Variants in C3orf22 observed in about 807,000 individuals in gnomAD.
The protein encoded by C3orf22 is uncharacterized protein C3orf22.
Under a neutral mutation model 10.8 loss-of-function variants are expected in C3orf22, and 7 were observed. That is an observed-to-expected ratio of 0.65 (90% CI 0.37 to 1.22). The LOEUF is 1.22. Among genes scored for constraint, C3orf22 ranks in the 50% most tolerant of loss-of-function variants. The pLI, the probability that C3orf22 is intolerant of heterozygous loss-of-function variation, is 0.02. For missense variants in C3orf22, 173 were observed against 177.0 expected (o/e 0.98, Z 0.13); for synonymous variants, 79 against 78.9 (o/e 1.00, Z 0.00).
downstream of C3orf22, chr3:126,549,538 T>A (rs1384587692): frequency 1.3e-6 from 1 of 748,368 alleles, no homozygotes; most frequent in Non-Finnish European, 2.1e-6. Flanking sequence ...TTTACTTACC[T>A]GTGTGAGTGT....
At chr3:126,553,154 C>A in intron 2 of C3orf22, 148 bp downstream of exon 2, 1 of 718,562 alleles carries the variant, frequency 1.4e-6, no homozygotes, top group South Asian at 1.6e-5. Flanking sequence ...GGACCCCAGA[C>A]TGTCAGCTGG....
chr3:126,535,210 G>C (rs201182787), intron 4 of C3orf22, among the ~76,000 whole-genome samples: 1 of 148,856 alleles, frequency 6.7e-6, no homozygotes, highest in Non-Finnish European at 1.5e-5. Context: ...CAGCATCGCT[G>C]TCCCCAGCCG....
chr3:126,541,806 C>G, intron 4 of C3orf22: 1 of 1,554,656 alleles, frequency 6.4e-7, no homozygotes, highest in African/African-American at 1.4e-5. Flanking sequence ...AGCCGCCACT[C>G]ACGCCGGCAG....
At chr3:126,536,368 C>A in intron 4 of C3orf22, 1 of 1,605,812 alleles carries the variant, frequency 6.2e-7, no homozygotes, top group Non-Finnish European at 8.5e-7. Context: ...GTGGACAGAC[C>A]CTCGACCCAG....
At chr3:126,547,135 CTG>C (rs2107577023), downstream of C3orf22, among the ~76,000 whole-genome samples, 2 of 152,326 alleles carry the variant, frequency 1.3e-5, no homozygotes, top group South Asian at 4.1e-4. Context: ...ACCTGTGGAT[CTG>C]TGTTTGACTG....
At chr3:126,542,361 TG>T (rs1236386755) in intron 4 of C3orf22, 4 of 1,564,340 alleles carry the variant, frequency 2.6e-6, no homozygotes, top group Non-Finnish European at 2.6e-6. Context: ...TTCGAGACGC[TG>T]GCGGAGGACG....
At chr3:126,542,791 G>A (rs1937000216) in intron 4 of C3orf22, 5 of 554,340 alleles carry the variant, frequency 9.0e-6, no homozygotes, top group Non-Finnish European at 1.4e-5. Flanking sequence ...TCGGCCTGTC[G>A]CCTGAGGCCT....
chr3:126,552,899 T>G (rs536778892), intron 2 of C3orf22, among the ~76,000 whole-genome samples: 235 of 152,384 alleles, frequency 1.5e-3, no homozygotes, highest in Non-Finnish European at 2.6e-3. Flanking sequence ...TGAAGTGCCC[T>G]GTGGAGACTT....
intron 5 of C3orf22, among the ~76,000 whole-genome samples, chr3:126,528,767 C>A (rs140302207): frequency 6.6e-6 from 1 of 152,216 alleles, no homozygotes; most frequent in South Asian, 2.1e-4. Flanking sequence ...ACTAAATACA[C>A]GTGGAGAGAT....
At chr3:126,557,789 T>C (rs1459411388) in intron 1 of C3orf22, among the ~76,000 whole-genome samples, 2 of 152,180 alleles carry the variant, frequency 1.3e-5, no homozygotes, top group Non-Finnish European at 2.9e-5. Flanking sequence ...CACCAAGAAG[T>C]CCCTGGGCCC....
At chr3:126,544,897 G>A (rs1258148611), downstream of C3orf22, among the ~76,000 whole-genome samples, 6 of 152,256 alleles carry the variant, frequency 3.9e-5, no homozygotes, top group Non-Finnish European at 1.5e-5. Flanking sequence ...ACCCTCTGCT[G>A]TATGTGCAGG....
intron 3 of C3orf22, among the ~76,000 whole-genome samples, chr3:126,550,998 G>A (rs79473058): frequency 0.022 from 3,363 of 152,360 alleles, 82 homozygotes; most frequent in African/African-American, 0.06. Flanking sequence ...GCTTCAGCTC[G>A]GCGATGTGGG....
At position 126,536,832 on chromosome 3, in the gene C3orf22, T is replaced by C. The variant is rs79773047; in HGVS notation, c.287-7460A>G. Among the ~76,000 whole-genome samples the C allele has an allele frequency of 4.8e-3, 714 of 150,304 alleles. 5 individuals are homozygous for C. Among genetic ancestry groups the C allele is most frequent in the African/African-American group, 0.017 (693 of 40,836 alleles). ...ACAACCCCAAATACACACATACAAC[T>C]GTACCCCACCACCAAGAACCCCACA... On this transcript the variant is annotated intron_variant and NMD_transcript_variant, in intron 4 of 5. Coordinates refer to the C3orf22 transcript ENST00000505070.
At chr3:126,550,123 C>T (rs1364016010) in intron 3 of C3orf22, 45 bp from the exon 4 acceptor site, 2 of 1,603,980 alleles carry the variant, frequency 1.2e-6, no homozygotes, top group Admixed American at 3.4e-5. Context: ...AGGACCCCTG[C>T]TGGCTGCAGC....
chr3:126,549,644 T>C (rs1559752952), downstream of C3orf22: 4 of 1,501,244 alleles, frequency 2.7e-6, no homozygotes, highest in Admixed American at 2.0e-5. Context: ...ATTTTAGAGA[T>C]GAGAAAATGA....
chr3:126,539,559 GCACA>G (rs1033518913), intron 4 of C3orf22, among the ~76,000 whole-genome samples: 2 of 67,988 alleles, frequency 2.9e-5, no homozygotes, highest in Non-Finnish European at 5.8e-5. Flanking sequence ...CACACACACT[GCACA>G]CACACACACA....
chr3:126,544,209 C>T (rs1027045872), intron 4 of C3orf22, among the ~76,000 whole-genome samples: 1 of 152,112 alleles, frequency 6.6e-6, no homozygotes, highest in Non-Finnish European at 1.5e-5. Context: ...AAGAGTAAAT[C>T]AGACCTGAGG....
chr3:126,553,560 A>C, intron 1 of C3orf22, 130 bp from the exon 2 acceptor site: 1 of 634,972 alleles, frequency 1.6e-6, no homozygotes, highest in South Asian at 1.8e-5. Flanking sequence ...CTGTGCATGC[A>C]CCGCTGTGTT....
In C3orf22 at chr3:126,553,320, G is replaced by C. The variant is rs758607095; in HGVS notation, c.71C>G (p.Ala24Gly). The change falls in exon 2 of 4, where the codon GCC (alanine) becomes GGC (glycine). Residue 24 changes from alanine to glycine, a missense_variant. Physicochemically the swap from Ala to Gly is moderately conservative, Grantham distance 60. Coordinates refer to ENST00000318225, the MANE Select transcript of C3orf22 (RefSeq NM_152533.3). ...CCCGCACCTGTACGGAAACTTCTTG[G>C]CAAAATTCTCCTGGGCCTGGATCCT... Reference protein sequence around the residue: ...KWRIQAQENFAKKFPYRLSWL... With the variant: ...KWRIQAQENFGKKFPYRLSWL... The C allele has an allele frequency of 6.2e-7, 1 of 1,613,978 alleles. No individual in the cohort carries two copies. Among genetic ancestry groups the C allele is most frequent in the Non-Finnish European group, 8.5e-7 (1 of 1,179,860 alleles).
Sources: allele counts gnomAD v4.1 joint callset (sites outside exome capture counted in the v4.1 genomes callset), GRCh38; gene constraint gnomAD v4.1.1; transcripts MANE v1.5; gene names NCBI Gene and HGNC (gene_info 2026-07-23, HGNC 2026-07-21).